Variants in USP42 observed in about 807,000 individuals in gnomAD.
USP42 encodes ubiquitin carboxyl-terminal hydrolase 42.
Under a neutral mutation model 113.0 loss-of-function variants are expected in USP42, and 23 were observed. The observed-to-expected ratio is 0.20, with a 90% CI of 0.15 to 0.29. The LOEUF (loss-of-function observed/expected upper bound fraction) is 0.29. Among genes scored for constraint, USP42 ranks in the 10% least tolerant of loss-of-function variants. The probability of loss-of-function intolerance (pLI) is 1.00; values close to 1 mark genes in which losing one functional copy is unlikely to be tolerated. For missense variants in USP42, 2,174 were observed against 1,779.8 expected (o/e 1.22, Z -3.99); for synonymous variants, 933 against 699.0 (o/e 1.33, Z -5.28).
chr7:6,101,974 G>A (rs1389888412), upstream of USP42, among the ~76,000 whole-genome samples: 1 of 150,252 alleles, frequency 6.7e-6, no homozygotes, highest in Non-Finnish European at 1.5e-5. Context: ...TGTAGTCCCT[G>A]AGGCAGAAGA....
At chr7:6,110,182 G>C (rs1779520372) in intron 1 of USP42, among the ~76,000 whole-genome samples, 1 of 152,140 alleles carries the variant, frequency 6.6e-6, no homozygotes. Context: ...TGTGGCTACT[G>C]TTGGGCGATT....
At position 6,139,264 on chromosome 7, in the gene USP42, T is replaced by A; in HGVS notation, c.656+70T>A. 1 of 1,262,472 alleles carries A rather than the reference T, an allele frequency of 7.9e-7. No individual in the cohort carries two copies. The highest frequency in any genetic ancestry group is 1.1e-6 in the Non-Finnish European group (1 of 919,172). The allele number at this position is 1,262,472 out of a possible 1,614,324, so 78.2% of individuals were successfully genotyped here. Reference sequence around the variant, plus strand: ...GGTTGTAGTTTATTCTTATCAGAATTCATTTTCACCTTTTTTGTTGGAAGC... The same window carrying A: ...GGTTGTAGTTTATTCTTATCAGAATACATTTTCACCTTTTTTGTTGGAAGC... On this transcript the variant is annotated intron_variant, in intron 5 of 17. Transcript: ENST00000306177. The surrounding 1 kb of genome is among the most constrained non-coding windows in gnomAD (Gnocchi z 4.5).
At chr7:6,131,719 C>T (rs1562825386) in intron 3 of USP42, among the ~76,000 whole-genome samples, 1 of 152,120 alleles carries the variant, frequency 6.6e-6, no homozygotes, top group Non-Finnish European at 1.5e-5. Context: ...CCCCAGGAAA[C>T]TCACCACCAT....
intron 3 of USP42, among the ~76,000 whole-genome samples, chr7:6,120,216 G>A (rs972491069): frequency 9.2e-5 from 14 of 151,702 alleles, no homozygotes; most frequent in Admixed American, 4.6e-4. Context: ...TGCCTGCCTC[G>A]GCCTCTCAGA....
intron 4 of USP42, among the ~76,000 whole-genome samples, chr7:6,137,031 G>A (rs1177007857): frequency 5.9e-5 from 9 of 152,188 alleles, no homozygotes; most frequent in Middle Eastern, 3.4e-3. Context: ...TTTTAAATGG[G>A]TAAGTGCATG....
chr7:6,126,004 A>G (rs1780522799), intron 3 of USP42, among the ~76,000 whole-genome samples: 1 of 152,180 alleles, frequency 6.6e-6, no homozygotes, highest in South Asian at 2.1e-4. Context: ...TGACATTGAT[A>G]TAGTCAAGAT....
At chr7:6,126,507 T>A (rs1023635178) in intron 3 of USP42, among the ~76,000 whole-genome samples, 1 of 152,108 alleles carries the variant, frequency 6.6e-6, no homozygotes, top group Admixed American at 6.5e-5. Flanking sequence ...GGATGGTCTC[T>A]ATCTCCTGAC....
chr7:6,084,730 T>G, the USP42 span: 3 of 150,824 alleles, frequency 2.0e-5, no homozygotes, highest in African/African-American at 7.5e-5. Flanking sequence ...CTTTTTTTTT[T>G]TTTTTTGAGA....
At chr7:6,137,356 C>T (rs566786152) in intron 4 of USP42, among the ~76,000 whole-genome samples, 1 of 152,358 alleles carries the variant, frequency 6.6e-6, no homozygotes, top group South Asian at 2.1e-4. Context: ...TGCATGCATG[C>T]ATTCATTCAT....
At chr7:6,140,762 G>A (rs1465095001) in intron 6 of USP42, among the ~76,000 whole-genome samples, 152 bp from the exon 7 acceptor site, 1 of 152,096 alleles carries the variant, frequency 6.6e-6, no homozygotes, top group Non-Finnish European at 1.5e-5. Flanking sequence ...CATATTATGA[G>A]TAGTATTAAT....
At chr7:6,097,493 A>T in the USP42 span, among the ~76,000 whole-genome samples, 1 of 144,996 alleles carries the variant, frequency 6.9e-6, no homozygotes, top group Non-Finnish European at 1.5e-5. Context: ...CGCAGCCTCC[A>T]ATTCCTGGCC....
intron 3 of USP42, among the ~76,000 whole-genome samples, chr7:6,127,384 C>T (rs1018844355): frequency 7.3e-5 from 11 of 151,410 alleles, no homozygotes; most frequent in African/African-American, 2.7e-4. Flanking sequence ...CAGATTTTTT[C>T]CTATGTTAAT....
intron 1 of USP42, among the ~76,000 whole-genome samples, chr7:6,107,195 A>T (rs927869037): frequency 6.6e-6 from 1 of 151,900 alleles, no homozygotes; most frequent in African/African-American, 2.4e-5. Flanking sequence ...CTTTCGTTAA[A>T]TTTTTTTTCA....
rs1383284420 is a variant in USP42, at chr7:6,145,578, A to G, written c.1053A>G (p.Pro351=). The G allele has an allele frequency of 1.2e-6, 2 of 1,613,894 alleles. No homozygotes were observed. Among genetic ancestry groups the G allele is most frequent in the East Asian group, 2.2e-5 (1 of 44,900 alleles). The change falls in exon 10 of 18, where the codon CCA becomes CCG. Residue 351 remains proline (P), a synonymous_variant. Coordinates refer to ENST00000306177, the MANE Select transcript of USP42 (RefSeq NM_032172.3). ...RPYMSQPNGE[P]IVYVLYAVLV... ...ATATGTCTCAACCCAACGGAGAGCC[A>G]ATTGTCTACGTCTTGTATGCAGTGC...
At chr7:6,091,982 TTCTTC>T in the USP42 span, among the ~76,000 whole-genome samples, 2 of 21,364 alleles carry the variant, frequency 9.4e-5, no homozygotes, top group Non-Finnish European at 2.1e-4. Flanking sequence ...GTATTTTTTC[TTCTTC>T]TTCTTCTTCT....
chr7:6,128,675 CTT>C (rs768154668), intron 3 of USP42, among the ~76,000 whole-genome samples: 1 of 152,026 alleles, frequency 6.6e-6, no homozygotes, highest in African/African-American at 2.4e-5. Flanking sequence ...TATTTTAAGA[CTT>C]AAGGCTTATT....
At chr7:6,129,967 C>T (rs994961615) in intron 3 of USP42, among the ~76,000 whole-genome samples, 1 of 151,172 alleles carries the variant, frequency 6.6e-6, no homozygotes, top group African/African-American at 2.4e-5. Context: ...GAGTGATTTT[C>T]AGTTGAAAGC....
intron 3 of USP42, among the ~76,000 whole-genome samples, chr7:6,123,834 A>C (rs1352607845): frequency 1.6e-5 from 2 of 124,924 alleles, no homozygotes; most frequent in Non-Finnish European, 3.3e-5. Context: ...CCCTGTCTCA[A>C]AAAAAAAAAA....
In USP42 at chr7:6,150,240, C is replaced by G. The variant is rs1314351527; in HGVS notation, c.2044C>G (p.Gln682Glu). Residue 682 changes from glutamine to glutamate, a missense_variant, in exon 13 of 18, where the codon CAA becomes GAA. By Grantham distance (29) the Gln-to-Glu change is conservative. Coordinates refer to ENST00000306177, the MANE Select transcript of USP42 (RefSeq NM_032172.3). Reference sequence around the variant, plus strand: ...CCTAGCGCCTGATGGTGCCAGCTGCCAAGGCCAGCCTGCCCTGCACTCAGA... The same window carrying G: ...CCTAGCGCCTGATGGTGCCAGCTGCGAAGGCCAGCCTGCCCTGCACTCAGA... Reference protein sequence around the residue: ...NGLAPDGASCQGQPALHSENP... With the variant: ...NGLAPDGASCEGQPALHSENP... The G allele has an allele frequency of 6.2e-7, 1 of 1,613,846 alleles. No homozygotes were observed. The highest frequency in any genetic ancestry group is 1.7e-5 in the Admixed American group (1 of 60,022).
Sources: allele counts gnomAD v4.1 joint callset (sites outside exome capture counted in the v4.1 genomes callset), GRCh38; gene constraint gnomAD v4.1.1; non-coding constraint Gnocchi (gnomAD v3.1); transcripts MANE v1.5; gene names NCBI Gene and HGNC (gene_info 2026-07-23, HGNC 2026-07-21).